Variants in PHLDB2 observed in about 807,000 individuals in gnomAD.
PHLDB2 encodes the protein pleckstrin homology-like domain family B member 2.
In PHLDB2, 71 loss-of-function variants were observed where a neutral mutation model predicts 123.6. The observed-to-expected ratio is 0.57, with a 90% CI of 0.47 to 0.70. PHLDB2 has a LOEUF of 0.70. Among genes scored for constraint, PHLDB2 ranks in the 30% least tolerant of loss-of-function variants. The pLI, the probability that PHLDB2 is intolerant of heterozygous loss-of-function variation, is 0.00. For missense variants in PHLDB2, 1,446 were observed against 1,519.5 expected, an observed-to-expected ratio of 0.95 and a Z score of 0.80; for synonymous variants, 547 against 541.6, an observed-to-expected ratio of 1.01 and a Z score of -0.14.
intron 13 of PHLDB2, among the ~76,000 whole-genome samples, chr3:111,963,060 T>C (rs561426100): frequency 2.0e-4 from 31 of 152,120 alleles, no homozygotes; most frequent in Admixed American, 6.5e-4. Context: ...TATGTTAAAA[T>C]TTTTGTAAGG....
chr3:111,793,118 G>T (rs943803416), intron 1 of PHLDB2, among the ~76,000 whole-genome samples: 2 of 152,148 alleles, frequency 1.3e-5, no homozygotes, highest in African/African-American at 4.8e-5. Flanking sequence ...TGCCTTCAGG[G>T]GGCAAGCTTC....
At chr3:111,839,608 C>T (rs1476526293) in intron 1 of PHLDB2, among the ~76,000 whole-genome samples, 1 of 152,142 alleles carries the variant, frequency 6.6e-6, no homozygotes, top group Non-Finnish European at 1.5e-5. Context: ...ACTATATCAA[C>T]TGTAAATAGT....
intron 1 of PHLDB2, among the ~76,000 whole-genome samples, chr3:111,748,177 A>C (rs1230767216): frequency 6.6e-6 from 1 of 152,202 alleles, no homozygotes; most frequent in Non-Finnish European, 1.5e-5. Flanking sequence ...TGGCATGTGA[A>C]GTCTGTTTAA....
At chr3:111,744,213 A>T (rs536564225) in intron 1 of PHLDB2, among the ~76,000 whole-genome samples, 1 of 152,352 alleles carries the variant, frequency 6.6e-6, no homozygotes, top group South Asian at 2.1e-4. Flanking sequence ...AGCCACAGTA[A>T]CAATGAAATA....
intron 2 of PHLDB2, among the ~76,000 whole-genome samples, chr3:111,898,417 A>G (rs956204120): frequency 9.2e-5 from 14 of 152,044 alleles, no homozygotes; most frequent in Admixed American, 1.3e-4. Context: ...TCCTGATCTC[A>G]AGTGACCCGC....
At position 111,884,632 on chromosome 3, in the gene PHLDB2, G is replaced by A; in HGVS notation, c.555G>A (p.Leu185=). 6.2e-7 allele frequency: 1 copy of A among 1,614,176 alleles called. No homozygotes were observed. The highest frequency in any genetic ancestry group is 1.1e-5 in the South Asian group (1 of 91,080). The change falls in exon 2 of 18, where the codon CTG becomes CTA. Residue 185 remains leucine, a synonymous_variant. Transcript: ENST00000431670. ...TGGCCATGTGGAATGGAAGTTCCCT[G>A]AGTGATGCTGGCCCGCCTCCTATCA... The part of the protein sequence containing the change: ...SLLAMWNGSS[L]SDAGPPPISR...
intron 1 of PHLDB2, among the ~76,000 whole-genome samples, chr3:111,818,788 GCCATAATAATCA>G (rs987045359): frequency 6.6e-6 from 1 of 152,080 alleles, no homozygotes; most frequent in Non-Finnish European, 1.5e-5. Context: ...TCCATGCTGG[GCCATAATAATCA>G]CTGAACCCCT....
intron 1 of PHLDB2, among the ~76,000 whole-genome samples, chr3:111,767,382 T>C (rs1022983543): frequency 2.6e-5 from 4 of 152,220 alleles, no homozygotes; most frequent in African/African-American, 9.6e-5. Context: ...TTCTTCCACA[T>C]TTCATTAAGT....
chr3:111,756,810 T>G (rs1311458237), intron 1 of PHLDB2, among the ~76,000 whole-genome samples: 1 of 152,226 alleles, frequency 6.6e-6, no homozygotes. Flanking sequence ...CCATGTTTAG[T>G]GCTTCCTTCA....
At chr3:111,777,104 T>C (rs2060280340) in intron 1 of PHLDB2, among the ~76,000 whole-genome samples, 1 of 152,032 alleles carries the variant, frequency 6.6e-6, no homozygotes, top group Admixed American at 6.6e-5. Context: ...CATCATTTGC[T>C]GCAGGAAGTT....
intron 1 of PHLDB2, among the ~76,000 whole-genome samples, chr3:111,879,823 A>C (rs918926695): frequency 6.6e-6 from 1 of 152,100 alleles, no homozygotes; most frequent in African/African-American, 2.4e-5. Context: ...GTGTAATGTC[A>C]GTTTGTTTTC....
chr3:111,845,820 G>T lies in PHLDB2; in HGVS notation c.-48-1G>T. On this transcript the variant is annotated splice_acceptor_variant, in intron 1 of 17. Coordinates refer to the PHLDB2 transcript ENST00000393923. LOFTEE classifies it low-confidence loss of function (5UTR_SPLICE). The stretch of plus-strand genomic sequence containing the variant: ...TACCTCTCTTTTCTTGCTGTGTGCA[G>T]GCTGGCACTGATCCCAGTTTATCCT... 1 of 1,614,112 alleles carries T rather than the reference G, an allele frequency of 6.2e-7. No homozygotes were observed. Among genetic ancestry groups the T allele is most frequent in the Non-Finnish European group, 8.5e-7 (1 of 1,179,986 alleles).
At chr3:111,911,571 A>C in intron 2 of PHLDB2, 12 of 1,517,634 alleles carry the variant, frequency 7.9e-6, no homozygotes, top group Non-Finnish European at 1.1e-5. Context: ...CAGCTGGTGG[A>C]AACTGAAGAG....
At chr3:111,843,478 A>T (rs1344782173) in intron 1 of PHLDB2, among the ~76,000 whole-genome samples, 1 of 152,146 alleles carries the variant, frequency 6.6e-6, no homozygotes, top group Non-Finnish European at 1.5e-5. Context: ...GCAGCTCTTA[A>T]CTCCAGGGCT....
intron 6 of PHLDB2, 131 bp from the exon 7 acceptor site, chr3:111,939,344 A>G (rs2069720424): frequency 1.1e-6 from 1 of 880,538 alleles, no homozygotes; most frequent in Non-Finnish European, 1.7e-6. Flanking sequence ...AGATAGTGTT[A>G]TGTTCTAACC....
rs371999888 is a variant in PHLDB2, at chr3:111,884,599, C to T, written c.522C>T (p.Gly174=). 9.9e-6 allele frequency: 16 copies of T among 1,613,998 alleles called. No individual in the cohort carries two copies. In the African/African-American group the frequency reaches 2.0e-4, roughly 20 times the overall value. The change falls in exon 2 of 18, where the codon GGC becomes GGT. Residue 174 remains glycine (G), a synonymous_variant. Transcript: ENST00000431670. ...GGCTGGAAGGTCGGAAGGCATCTGG[C>T]TCGCTCCTGGCCATGTGGAATGGAA... ...LGGLEGRKAS[G]SLLAMWNGSS...
At chr3:111,781,497 G>A (rs1277587170) in intron 1 of PHLDB2, among the ~76,000 whole-genome samples, 1 of 151,962 alleles carries the variant, frequency 6.6e-6, no homozygotes, top group Non-Finnish European at 1.5e-5. Context: ...AACTTAATTT[G>A]GGGGCTTTTT....
intron 2 of PHLDB2, among the ~76,000 whole-genome samples, chr3:111,853,295 C>G (rs954585183): frequency 6.6e-6 from 1 of 152,088 alleles, no homozygotes; most frequent in Non-Finnish European, 1.5e-5. Context: ...TACATAGTTT[C>G]CCTTAACAAC....
chr3:111,891,494 G>T lies in PHLDB2; in HGVS notation c.1335+6082G>T, dbSNP rs554257197. ...CTGTCTCCCATCACTCCCAGATGGG[G>T]CCATCTAGTTGCAGGAAAACAAGCT... On this transcript the variant is annotated intron_variant, in intron 2 of 17. Coordinates refer to ENST00000431670, the MANE Select transcript of PHLDB2 (RefSeq NM_001134438.2). 1.3e-4 allele frequency among the ~76,000 whole-genome samples: 20 copies of T among 151,900 alleles called. No homozygotes were observed. The South Asian group carries it at 2.1e-3, about 16-fold the overall frequency.
Sources: gnomAD v4.1 joint callset for allele counts (sites outside exome capture counted in the v4.1 genomes callset) on GRCh38, gnomAD v4.1.1 for gene constraint, MANE v1.5 for transcripts, NCBI Gene and HGNC (gene_info 2026-07-23, HGNC 2026-07-21) for gene names.